The following PTPRD variants were observed in gnomAD, a reference collection of about 807,000 sequenced individuals.
The protein encoded by PTPRD is protein tyrosine phosphatase receptor type D.
A neutral mutation model predicts 214.5 loss-of-function variants in PTPRD; 34 were observed. That is an observed-to-expected ratio of 0.16 (90% CI 0.12 to 0.21). The LOEUF is 0.21. PTPRD is among the 10% of genes least tolerant of loss of function. PTPRD has a pLI of 1.00. For synonymous variants in PTPRD, 1,128 were observed against 845.7 expected (o/e 1.33, Z -5.79); for missense variants, 2,545 against 2,398.7 (o/e 1.06, Z -1.27).
chr9:9,715,858 T>C lies in PTPRD; in HGVS notation c.-287+18675A>G, dbSNP rs376279489. On this transcript the variant is annotated intron_variant, in intron 7 of 45. Transcript: ENST00000381196. ...TGCTAAGAAGCTTCTTTTGTTATTA[T>C]TATTATTATTATACTTTAAGTTTTA... Among the ~76,000 whole-genome samples the C allele has an allele frequency of 4.7e-4, 72 of 152,286 alleles. No individual in the cohort carries two copies. In the East Asian group the frequency reaches 0.01, roughly 22 times the overall value.
At chr9:9,984,028 G>A (rs1399963399) in intron 4 of PTPRD, among the ~76,000 whole-genome samples, 1 of 152,072 alleles carries the variant, frequency 6.6e-6, no homozygotes, top group Non-Finnish European at 1.5e-5. Context: ...AAAAAATTGA[G>A]AAGCAGTAGC....
At chr9:10,465,276 T>C (rs1588789527) in intron 2 of PTPRD, among the ~76,000 whole-genome samples, 1 of 152,176 alleles carries the variant, frequency 6.6e-6, no homozygotes, top group African/African-American at 2.4e-5. Context: ...TGTAAAACCT[T>C]TGCCACCTGC....
chr9:9,106,036 G>T (rs1051086882), intron 10 of PTPRD, among the ~76,000 whole-genome samples: 1 of 152,070 alleles, frequency 6.6e-6, no homozygotes, highest in Non-Finnish European at 1.5e-5. Flanking sequence ...AAAAGGGGGG[G>T]TCGATGGCTG....
intron 10 of PTPRD, among the ~76,000 whole-genome samples, chr9:9,057,762 T>G (rs1035068705): frequency 6.6e-6 from 1 of 152,180 alleles, no homozygotes; most frequent in African/African-American, 2.4e-5. Context: ...ATCTATGAGC[T>G]TTTTGTGCAT....
intron 14 of PTPRD, among the ~76,000 whole-genome samples, chr9:8,567,918 T>C (rs1240549808): frequency 6.6e-6 from 1 of 152,134 alleles, no homozygotes; most frequent in African/African-American, 2.4e-5. Flanking sequence ...AATTAATTAA[T>C]TCTATATGAA....
chr9:8,957,907 A>T (rs1411454816), intron 11 of PTPRD, among the ~76,000 whole-genome samples: 3 of 151,830 alleles, frequency 2.0e-5, no homozygotes, highest in Non-Finnish European at 4.4e-5. Flanking sequence ...TGAAAAAAAA[A>T]ATATCATTCT....
At chr9:9,782,310 A>G (rs999094829) in intron 5 of PTPRD, among the ~76,000 whole-genome samples, 1 of 152,206 alleles carries the variant, frequency 6.6e-6, no homozygotes, top group Non-Finnish European at 1.5e-5. Context: ...ATTATAATTT[A>G]AAATGCCGAT....
At chr9:8,336,075 C>T (rs1244967493) in intron 43 of PTPRD, among the ~76,000 whole-genome samples, 10 of 150,930 alleles carry the variant, frequency 6.6e-5, no homozygotes, top group Non-Finnish European at 1.5e-5. Flanking sequence ...ATCAAGCTAC[C>T]AATGACTTTC....
At chr9:8,371,476 C>T (rs774535409) in intron 39 of PTPRD, among the ~76,000 whole-genome samples, 15 of 152,058 alleles carry the variant, frequency 9.9e-5, no homozygotes, top group Admixed American at 8.5e-4. Context: ...CAGTGTGAAC[C>T]TATTCTATGA....
intron 2 of PTPRD, among the ~76,000 whole-genome samples, chr9:10,594,706 C>T (rs1390367177): frequency 6.6e-6 from 1 of 151,954 alleles, no homozygotes; most frequent in African/African-American, 2.4e-5. Context: ...GGTACAAGGT[C>T]ACACCCTTGC....
chr9:10,348,952 A>C (rs940398016), intron 2 of PTPRD, among the ~76,000 whole-genome samples: 1 of 152,100 alleles, frequency 6.6e-6, no homozygotes, highest in African/African-American at 2.4e-5. Flanking sequence ...AAAGTTCACC[A>C]TGGCAGTGTA....
intron 5 of PTPRD, among the ~76,000 whole-genome samples, chr9:9,797,034 T>C (rs1030518628): frequency 3.9e-5 from 6 of 152,124 alleles, no homozygotes; most frequent in African/African-American, 1.2e-4. Flanking sequence ...GTTTTCTGAA[T>C]AGTAGATGGG....
At chr9:8,829,998 A>G (rs983196253) in intron 11 of PTPRD, among the ~76,000 whole-genome samples, 7 of 152,222 alleles carry the variant, frequency 4.6e-5, no homozygotes, top group African/African-American at 1.7e-4. Flanking sequence ...ACTGGGTAAT[A>G]CCAGTAAACA....
At chr9:8,391,425 T>C (rs912381845) in intron 36 of PTPRD, among the ~76,000 whole-genome samples, 10 of 152,160 alleles carry the variant, frequency 6.6e-5, no homozygotes, top group Admixed American at 5.9e-4. Flanking sequence ...AGTTGGGGTT[T>C]TGGCAGCTCT....
intron 9 of PTPRD, among the ~76,000 whole-genome samples, chr9:9,221,411 G>C (rs2099955917): frequency 6.6e-6 from 1 of 152,046 alleles, no homozygotes; most frequent in African/African-American, 2.4e-5. Flanking sequence ...GTATTAGTTG[G>C]CTTGGGCTGC....
At chr9:10,193,625 A>C (rs556107542) in intron 3 of PTPRD, among the ~76,000 whole-genome samples, 1 of 152,272 alleles carries the variant, frequency 6.6e-6, no homozygotes, top group South Asian at 2.1e-4. Context: ...GAATGCATTC[A>C]AAAAGATTCT....
At chr9:8,356,276 T>C (rs542853598) in intron 39 of PTPRD, among the ~76,000 whole-genome samples, 1 of 152,202 alleles carries the variant, frequency 6.6e-6, no homozygotes, top group South Asian at 2.1e-4. Context: ...CCTAAAAGTA[T>C]TTTTCCAAAG....
intron 8 of PTPRD, among the ~76,000 whole-genome samples, chr9:9,419,227 A>G (rs1378843057): frequency 6.7e-6 from 1 of 149,014 alleles, no homozygotes; most frequent in Non-Finnish European, 1.5e-5. Context: ...ACATAATGAC[A>G]TATACCTGGA....
At chr9:9,502,033 C>G (rs1383652480) in intron 8 of PTPRD, among the ~76,000 whole-genome samples, 2 of 151,902 alleles carry the variant, frequency 1.3e-5, no homozygotes, top group East Asian at 3.9e-4. Flanking sequence ...GATACATACA[C>G]ACCCATGAAA....
Sources: gnomAD v4.1 joint callset for allele counts (sites outside exome capture counted in the v4.1 genomes callset) on GRCh38, gnomAD v4.1.1 for gene constraint, MANE v1.5 for transcripts, NCBI Gene and HGNC (gene_info 2026-07-23, HGNC 2026-07-21) for gene names.